Variants in KDM4B observed in about 807,000 individuals in gnomAD.
KDM4B encodes the protein lysine-specific demethylase 4B.
KDM4B carries 32 observed loss-of-function variants against 125.2 expected under a neutral mutation model. The observed-to-expected ratio is 0.26, with a 90% confidence interval of 0.19 to 0.34. The LOEUF is 0.34. Among genes scored for constraint, KDM4B ranks in the 10% least tolerant of loss-of-function variants. KDM4B has a pLI of 1.00. For missense variants in KDM4B, 1,190 were observed against 1,577.7 expected (o/e 0.75, Z 4.16); for synonymous variants, 721 against 677.9 (o/e 1.06, Z -0.99).
At chr19:5,106,442 C>G (rs1046484518) in intron 9 of KDM4B, among the ~76,000 whole-genome samples, 19 of 152,202 alleles carry the variant, frequency 1.2e-4, no homozygotes, top group Admixed American at 9.2e-4. Context: ...TCAGCTCCTC[C>G]TTGCATCCTC....
intron 1 of KDM4B, among the ~76,000 whole-genome samples, chr19:5,012,302 A>AC (rs922266786): frequency 6.6e-6 from 1 of 150,792 alleles, no homozygotes; most frequent in South Asian, 2.1e-4. Flanking sequence ...TCTGCCTGCC[A>AC]CCCCCCACCC....
chr19:5,131,137 C>T lies in KDM4B; in HGVS notation c.1377C>T (p.Phe459=), dbSNP rs113584294. 5,202 of 1,539,652 alleles carry T rather than the reference C, an allele frequency of 3.4e-3. 18 individuals are homozygous for T. Among genetic ancestry groups the T allele is most frequent in the Non-Finnish European group, 3.4e-3 (3,867 of 1,143,134 alleles). The change falls in exon 12 of 23, where the codon TTC becomes TTT. Residue 459 remains phenylalanine, a synonymous_variant. Transcript: ENST00000159111. Reference sequence around the variant, plus strand: ...AGAGCGAGCGGAAGAAGAAGAGCTTCGGCCTGCTGCCCCCACAGCTGCCGC... The same window carrying T: ...AGAGCGAGCGGAAGAAGAAGAGCTTTGGCCTGCTGCCCCCACAGCTGCCGC... ...KAKSERKKKS[F]GLLPPQLPPP... is the part of the protein sequence containing the mutation.
chr19:5,012,693 A>G (rs2035767112), intron 1 of KDM4B, among the ~76,000 whole-genome samples: 1 of 152,076 alleles, frequency 6.6e-6, no homozygotes, highest in South Asian at 2.1e-4. Context: ...GGCTGTTGGG[A>G]GGACTTCAGA....
At chr19:5,003,733 C>T (rs1206821055) in intron 1 of KDM4B, among the ~76,000 whole-genome samples, 17 of 152,092 alleles carry the variant, frequency 1.1e-4, no homozygotes, top group East Asian at 3.9e-4. Context: ...CGCTTGAACC[C>T]GGGAGGTGGA....
chr19:5,070,523 T>G (rs2037913257), intron 6 of KDM4B: 1 of 153,678 alleles, frequency 6.5e-6, no homozygotes. Flanking sequence ...CAAAGCTGCT[T>G]TTTCCCTGTT....
At chr19:5,117,529 G>A (rs1011631594) in intron 10 of KDM4B, among the ~76,000 whole-genome samples, 1 of 152,162 alleles carries the variant, frequency 6.6e-6, no homozygotes, top group African/African-American at 2.4e-5. Flanking sequence ...GGTGACAAGA[G>A]CCAGTTGCAC....
intron 1 of KDM4B, among the ~76,000 whole-genome samples, chr19:5,006,338 TCTCCTGCTCCTCCCACCCCTC>T (rs2035558768): frequency 6.6e-6 from 1 of 152,030 alleles, no homozygotes; most frequent in Admixed American, 6.6e-5. Context: ...CCACGGCCAT[TCTCCTGCTCCTCCCACCCCTC>T]CTCACTGTCC....
In KDM4B at chr19:5,082,323, G is replaced by T. The variant is rs750661778; in HGVS notation, c.781-44G>T. 9.9e-6 allele frequency: 16 copies of T among 1,610,742 alleles called. No individual in the cohort carries two copies. Among genetic ancestry groups the T allele is most frequent in the Non-Finnish European group, 1.2e-5 (14 of 1,178,874 alleles). ...GTGCCCACGTCCCATCCCCTGGTGC[G>T]CCTCTGGTGGCCCTGCCCTCACCTG... On this transcript the variant is annotated intron_variant, in intron 8 of 22. Coordinates refer to ENST00000159111, the MANE Select transcript of KDM4B (RefSeq NM_015015.3). The surrounding 1 kb of genome is among the most constrained non-coding windows in gnomAD (Gnocchi z 5.4).
chr19:5,146,599 C>T (rs1175076933), intron 21 of KDM4B, among the ~76,000 whole-genome samples: 1 of 152,150 alleles, frequency 6.6e-6, no homozygotes, highest in African/African-American at 2.4e-5. Flanking sequence ...ATAATCCCTG[C>T]TCAGCTCACC....
chr19:5,016,879 T>G (rs1185449443), intron 2 of KDM4B, among the ~76,000 whole-genome samples: 4 of 152,178 alleles, frequency 2.6e-5, no homozygotes, highest in Admixed American at 2.0e-4. Flanking sequence ...GTGCCTCTGG[T>G]GGCAGCCCAG....
chr19:5,047,739 C>A (rs2037072682), intron 6 of KDM4B, 70 bp downstream of exon 6: 1 of 1,488,502 alleles, frequency 6.7e-7, no homozygotes, highest in Non-Finnish European at 9.2e-7. Context: ...ATCCCGGGTA[C>A]ACGGCTGGGC....
chr19:5,007,570 G>T, intron 1 of KDM4B, among the ~76,000 whole-genome samples: 1 of 120,474 alleles, frequency 8.3e-6, no homozygotes, highest in Admixed American at 1.0e-4. Context: ...TTTTGAGACA[G>T]AGTATTGTTC....
intron 21 of KDM4B, among the ~76,000 whole-genome samples, chr19:5,148,948 G>A (rs1482146606): frequency 2.6e-5 from 4 of 152,224 alleles, no homozygotes; most frequent in Admixed American, 1.3e-4. Flanking sequence ...AGAGATGTGT[G>A]CTGTCGTCCC....
intron 2 of KDM4B, among the ~76,000 whole-genome samples, chr19:5,019,953 T>C (rs1316461138): frequency 9.7e-5 from 14 of 144,920 alleles, no homozygotes; most frequent in Non-Finnish European, 1.8e-4. Context: ...GGTGTTAGTG[T>C]GCAGGTGTTA....
At chr19:5,129,790 G>GCAGGGCCC (rs909803185) in intron 11 of KDM4B, among the ~76,000 whole-genome samples, 7 of 152,218 alleles carry the variant, frequency 4.6e-5, no homozygotes, top group African/African-American at 7.2e-5. Flanking sequence ...GATGGAGCAG[G>GCAGGGCCC]CAGGGCCCCA....
chr19:5,127,615 C>T (rs1161918556), intron 11 of KDM4B, among the ~76,000 whole-genome samples: 3 of 152,182 alleles, frequency 2.0e-5, no homozygotes, highest in Non-Finnish European at 2.9e-5. Context: ...AAATTATGTC[C>T]CACTTTGTCT....
At chr19:5,072,946 A>G (rs938012078) in intron 7 of KDM4B, among the ~76,000 whole-genome samples, 1 of 152,078 alleles carries the variant, frequency 6.6e-6, no homozygotes, top group African/African-American at 2.4e-5. Context: ...GGCCACCTGC[A>G]TCCCTTGACT....
intron 2 of KDM4B, among the ~76,000 whole-genome samples, chr19:5,017,248 C>G (rs1282323894): frequency 6.6e-6 from 1 of 152,182 alleles, no homozygotes; most frequent in Admixed American, 6.5e-5. Flanking sequence ...AGCCCAGCCT[C>G]TTTTGGGAAG....
intron 4 of KDM4B, among the ~76,000 whole-genome samples, chr19:5,040,518 CAGGCACAT>C (rs1445971377): frequency 2.0e-5 from 3 of 152,194 alleles, no homozygotes; most frequent in Non-Finnish European, 2.9e-5. Flanking sequence ...CACAGGTACA[CAGGCACAT>C]CCATGTGGGC....
Sources: gnomAD v4.1 joint callset for allele counts (sites outside exome capture counted in the v4.1 genomes callset) on GRCh38, gnomAD v4.1.1 for gene constraint, Gnocchi (gnomAD v3.1) non-coding constraint, MANE v1.5 for transcripts, NCBI Gene and HGNC (gene_info 2026-07-23, HGNC 2026-07-21) for gene names.